The following B3GALT1 variants were observed in gnomAD, a reference collection of about 807,000 sequenced individuals.
B3GALT1 encodes UDP-Gal:betaGlcNAc beta 1,3-galactosyltransferase, polypeptide 1.
In B3GALT1, 10 loss-of-function variants were observed where a neutral mutation model predicts 23.2. The ratio of observed to expected loss-of-function variants is 0.43; its 90% CI spans 0.27 to 0.73. B3GALT1 has a LOEUF of 0.73. Among genes scored for constraint, B3GALT1 ranks in the 30% least tolerant of loss-of-function variants. The probability of loss-of-function intolerance (pLI) is 0.21; values close to 1 mark genes in which losing one functional copy is unlikely to be tolerated. For synonymous variants in B3GALT1, 156 were observed against 141.5 expected (o/e 1.10, Z -0.73); for missense variants, 299 against 405.4 (o/e 0.74, Z 2.25).
chr2:167,805,218 T>C (rs1202404997), intron 3 of B3GALT1, among the ~76,000 whole-genome samples: 2 of 152,212 alleles, frequency 1.3e-5, no homozygotes, highest in African/African-American at 4.8e-5. Context: ...TTGTAGATTC[T>C]GGATATTAGC....
At chr2:167,426,841 C>T (rs1346895939) in intron 1 of B3GALT1, among the ~76,000 whole-genome samples, 1 of 152,126 alleles carries the variant, frequency 6.6e-6, no homozygotes, top group African/African-American at 2.4e-5. Context: ...GATGCACATA[C>T]CCTGTAACCT....
intron 3 of B3GALT1, among the ~76,000 whole-genome samples, chr2:167,754,867 G>A (rs1016789229): frequency 2.0e-5 from 3 of 152,314 alleles, no homozygotes; most frequent in African/African-American, 7.2e-5. Context: ...TCACACAAAT[G>A]TGTTGTCTGC....
intron 2 of B3GALT1, among the ~76,000 whole-genome samples, chr2:167,598,701 A>G (rs1684825055): frequency 6.6e-6 from 1 of 152,210 alleles, no homozygotes; most frequent in Non-Finnish European, 1.5e-5. Flanking sequence ...TGTGTCCAGT[A>G]TCAGTGGCTT....
chr2:167,729,865 G>C (rs182740408), intron 3 of B3GALT1, among the ~76,000 whole-genome samples: 45 of 152,244 alleles, frequency 3.0e-4, no homozygotes, highest in Non-Finnish European at 5.7e-4. Context: ...GCATCCTGTT[G>C]ACCTGCCAAG....
chr2:167,351,403 T>C (rs945884873), intron 1 of B3GALT1, among the ~76,000 whole-genome samples: 3 of 152,206 alleles, frequency 2.0e-5, no homozygotes, highest in Non-Finnish European at 4.4e-5. Context: ...ATGGTATTCC[T>C]GTAGTTTTTT....
At chr2:167,626,385 C>A (rs1685346853) in intron 2 of B3GALT1, among the ~76,000 whole-genome samples, 2 of 151,532 alleles carry the variant, frequency 1.3e-5, no homozygotes, top group African/African-American at 4.8e-5. Flanking sequence ...TGTATTTACT[C>A]ATTTGCTCCA....
At chr2:167,593,064 G>A (rs1401076275) in intron 2 of B3GALT1, among the ~76,000 whole-genome samples, 2 of 152,140 alleles carry the variant, frequency 1.3e-5, no homozygotes, top group Non-Finnish European at 2.9e-5. Flanking sequence ...CCTCTTTGGA[G>A]GGAAAGTGAA....
intron 3 of B3GALT1, among the ~76,000 whole-genome samples, chr2:167,707,669 A>G (rs909789551): frequency 6.6e-6 from 1 of 152,138 alleles, no homozygotes; most frequent in African/African-American, 2.4e-5. Flanking sequence ...GGGCCCACCC[A>G]GATAATCCAG....
At chr2:167,747,668 C>T (rs983901854) in intron 3 of B3GALT1, among the ~76,000 whole-genome samples, 7 of 152,136 alleles carry the variant, frequency 4.6e-5, no homozygotes, top group Admixed American at 1.3e-4. Context: ...ACATGAATAC[C>T]GTGTGAGTCT....
chr2:167,594,953 G>A lies in B3GALT1; in HGVS notation c.-409-51956G>A, dbSNP rs118064696. 2.2e-3 allele frequency among the ~76,000 whole-genome samples: 337 copies of A among 152,164 alleles called. 4 individuals carry two copies. The East Asian group carries it at 0.045, about 20-fold the overall frequency. On this transcript the variant is annotated intron_variant, in intron 2 of 4. Coordinates refer to ENST00000392690, the MANE Select transcript of B3GALT1 (RefSeq NM_020981.4). ...AAACTTGGATAATGGACAAACGTGT[G>A]GGCAGCTGCTTGTTCTGAACTTCAT...
chr2:167,716,291 C>T (rs1217949259), intron 3 of B3GALT1, among the ~76,000 whole-genome samples: 1 of 152,018 alleles, frequency 6.6e-6, no homozygotes, highest in Admixed American at 6.5e-5. Flanking sequence ...TTACACTTTA[C>T]ATCCTGAGGC....
At chr2:167,317,824 C>T (rs774983401) in intron 1 of B3GALT1, among the ~76,000 whole-genome samples, 1 of 151,982 alleles carries the variant, frequency 6.6e-6, no homozygotes, top group Non-Finnish European at 1.5e-5. Flanking sequence ...TGTGGGAAAA[C>T]TTATTTTCAG....
chr2:167,653,277 C>T (rs62196734), intron 3 of B3GALT1, among the ~76,000 whole-genome samples: 1,956 of 152,092 alleles, frequency 0.013, 22 homozygotes, highest in Non-Finnish European at 0.021. Context: ...AGGCAGCTAC[C>T]CAATTGTGGT....
intron 1 of B3GALT1, among the ~76,000 whole-genome samples, chr2:167,411,084 CAAA>C (rs879921907): frequency 7.2e-6 from 1 of 139,470 alleles, no homozygotes; most frequent in Non-Finnish European, 1.6e-5. Context: ...ACAAGTGTTA[CAAA>C]AAAAAAAAGT....
chr2:167,787,685 T>C (rs577929206), intron 3 of B3GALT1, among the ~76,000 whole-genome samples: 1 of 152,276 alleles, frequency 6.6e-6, no homozygotes, highest in African/African-American at 2.4e-5. Context: ...CCAGCACCAT[T>C]CCAGGACAGG....
chr2:167,523,387 C>T (rs1354407972), intron 2 of B3GALT1, among the ~76,000 whole-genome samples: 3 of 151,798 alleles, frequency 2.0e-5, no homozygotes, highest in Non-Finnish European at 4.4e-5. Context: ...CATTTCCCCT[C>T]CTCAGGAGCA....
chr2:167,447,384 A>G (rs1699016742), intron 1 of B3GALT1, among the ~76,000 whole-genome samples: 1 of 152,164 alleles, frequency 6.6e-6, no homozygotes, highest in Non-Finnish European at 1.5e-5. Context: ...TACTCTCTTC[A>G]AAGCTGTCAG....
At chr2:167,396,539 TG>T (rs1698100670) in intron 1 of B3GALT1, among the ~76,000 whole-genome samples, 1 of 23,270 alleles carries the variant, frequency 4.3e-5, no homozygotes, top group Non-Finnish European at 2.2e-4. Flanking sequence ...TATATATGTG[TG>T]TGTGTGTGTG....
chr2:167,853,459 A>G (rs953276084), intron 4 of B3GALT1, among the ~76,000 whole-genome samples: 1 of 152,168 alleles, frequency 6.6e-6, no homozygotes, highest in African/African-American at 2.4e-5. Flanking sequence ...AGTATCATAC[A>G]AGTGGTACCA....
Sources: allele counts gnomAD v4.1 joint callset (sites outside exome capture counted in the v4.1 genomes callset), GRCh38; gene constraint gnomAD v4.1.1; transcripts MANE v1.5; gene names NCBI Gene and HGNC (gene_info 2026-07-23, HGNC 2026-07-21).